SLIT2: variants seen among roughly 807,000 people sequenced by gnomAD.
SLIT2 encodes the protein slit guidance ligand 2.
SLIT2 carries 41 observed loss-of-function variants against 185.7 expected under a neutral mutation model. The observed-to-expected ratio is 0.22, with a 90% CI of 0.17 to 0.29. The LOEUF is 0.29. Ranked by LOEUF, SLIT2 falls within the 10% of genes least tolerant of loss-of-function variation. SLIT2 has a pLI of 1.00. For missense variants in SLIT2, 1,571 were observed against 1,909.0 expected (o/e 0.82, Z 3.30); for synonymous variants, 693 against 680.2 (o/e 1.02, Z -0.29).
Position 20,532,208 on chromosome 4 carries a change from G to A in SLIT2, c.1688+150G>A. On this transcript the variant is annotated intron_variant, in intron 17 of 36. Coordinates refer to ENST00000504154, the MANE Select transcript of SLIT2 (RefSeq NM_004787.4). ...GTAACATGAATTTAGGGTAATCTCT[G>A]CAAGGGACTTTTCTGTGTGTTCAGC... 4 of 571,092 alleles carry A rather than the reference G, an allele frequency of 7.0e-6. 1 individual carries two copies. The South Asian group carries it at 9.6e-5, about 14-fold the overall frequency. 35.4% of individuals were successfully genotyped at this position (571,092 alleles called of 1,614,324 possible).
chr4:20,529,126 G>A, intron 16 of SLIT2, 27 bp downstream of exon 16: 1 of 1,547,238 alleles, frequency 6.5e-7, no homozygotes, highest in South Asian at 1.2e-5. Context: ...ACAAAATTCT[G>A]GTTGGGATGG....
At chr4:20,362,467 G>GC (rs1380831346) in intron 4 of SLIT2, among the ~76,000 whole-genome samples, 8 of 152,050 alleles carry the variant, frequency 5.3e-5, no homozygotes, top group African/African-American at 1.9e-4. Context: ...GATTTTCCAA[G>GC]CAGCTTTATG....
chr4:20,268,237 A>C (rs1333187951), intron 3 of SLIT2, among the ~76,000 whole-genome samples: 1 of 151,966 alleles, frequency 6.6e-6, no homozygotes, highest in Admixed American at 6.6e-5. Context: ...TGAGCCTTAA[A>C]TTCAGTTAAG....
At chr4:20,294,363 G>T in intron 4 of SLIT2, among the ~76,000 whole-genome samples, 1 of 143,380 alleles carries the variant, frequency 7.0e-6, no homozygotes, top group Non-Finnish European at 1.5e-5. Flanking sequence ...AAAAAAAAAA[G>T]AAAGCACCCA....
intron 4 of SLIT2, among the ~76,000 whole-genome samples, chr4:20,383,837 G>A (rs1314260238): frequency 6.6e-6 from 1 of 151,972 alleles, no homozygotes; most frequent in Non-Finnish European, 1.5e-5. Flanking sequence ...AGTGTAGCTG[G>A]GATTACAGGC....
chr4:20,619,166 G>GAAA lies in SLIT2; in HGVS notation c.*168_*170dup, dbSNP rs202224128. ...AATAAAGACTTTTTTTCTGCATTTGGAAAAAAAAAAAAAGAAATGCTTGAA... is the reference window on the plus strand; with the variant it reads ...AATAAAGACTTTTTTTCTGCATTTGGAAAAAAAAAAAAAAAAGAAATGCTTGAA... On this transcript the variant is annotated 3_prime_UTR_variant, in exon 37 of 37. Transcript: ENST00000504154. 2.6e-5 allele frequency: 13 copies of GAAA among 508,818 alleles called. No individual in the cohort carries two copies. The highest frequency in any genetic ancestry group is 1.2e-4 in the East Asian group (3 of 25,328). The allele number at this position is 508,818 out of a possible 1,614,324, so 31.5% of individuals were successfully genotyped here.
At chr4:20,539,925 G>A (rs552031602) in intron 19 of SLIT2, among the ~76,000 whole-genome samples, 2 of 151,994 alleles carry the variant, frequency 1.3e-5, no homozygotes, top group African/African-American at 2.4e-5. Context: ...TCTCACATTG[G>A]AGTATTTTCA....
At chr4:20,465,964 CT>C (rs34983010) in intron 4 of SLIT2, among the ~76,000 whole-genome samples, 59,124 of 145,954 alleles carry the variant, frequency 0.41, 11,887 homozygotes, top group Middle Eastern at 0.52. Flanking sequence ...CTCTTTGAGG[CT>C]TTTTTTTTTT....
At chr4:20,264,639 C>A (rs967507927) in intron 3 of SLIT2, among the ~76,000 whole-genome samples, 2 of 151,766 alleles carry the variant, frequency 1.3e-5, no homozygotes, top group African/African-American at 4.8e-5. Context: ...TTCAGGCTGC[C>A]CTTCAAATTG....
chr4:20,265,798 A>G (rs992803002), intron 3 of SLIT2, among the ~76,000 whole-genome samples: 8 of 151,994 alleles, frequency 5.3e-5, no homozygotes, highest in African/African-American at 1.9e-4. Context: ...GAAATGGATC[A>G]AATAAATCTA....
intron 5 of SLIT2, among the ~76,000 whole-genome samples, chr4:20,472,370 C>CTATATATAGATATA (rs1447396602): frequency 4.5e-5 from 1 of 22,462 alleles, no homozygotes; most frequent in East Asian, 2.3e-3. Context: ...ATATAGATAT[C>CTATATATAGATATA]TATATCTATA....
chr4:20,616,795 C>A (rs1729689235), intron 34 of SLIT2, 115 bp from the exon 35 acceptor site: 1 of 1,186,640 alleles, frequency 8.4e-7, no homozygotes, highest in Non-Finnish European at 1.2e-6. Context: ...CCACCCTGCC[C>A]AAATATCCTG....
At chr4:20,583,853 G>A (rs1215575254) in intron 29 of SLIT2, among the ~76,000 whole-genome samples, 1 of 151,694 alleles carries the variant, frequency 6.6e-6, no homozygotes, top group African/African-American at 2.4e-5. Flanking sequence ...AAATAAAAAA[G>A]TTAGGTTCAT....
intron 4 of SLIT2, among the ~76,000 whole-genome samples, chr4:20,313,809 A>G (rs1330890925): frequency 6.6e-6 from 1 of 151,990 alleles, no homozygotes; most frequent in Non-Finnish European, 1.5e-5. Flanking sequence ...GCGGCTGCTG[A>G]TCTGAACACG....
chr4:20,486,101 T>C, intron 6 of SLIT2, 99 bp from the exon 7 acceptor site: 1 of 723,624 alleles, frequency 1.4e-6, no homozygotes, highest in South Asian at 1.6e-5. Context: ...GTAGCTGTCC[T>C]GCATAAGCAT....
In SLIT2 at chr4:20,587,029, A is replaced by G. The variant is rs528492554; in HGVS notation, c.3089-2615A>G. ...GTTCGGTGATAATAAAGAAAATCAA[A>G]TCTTTTTTTTTTTTTGACTGCTCTT... On this transcript the variant is annotated intron_variant, in intron 29 of 36. Coordinates refer to ENST00000504154, the MANE Select transcript of SLIT2 (RefSeq NM_004787.4). Among the ~76,000 whole-genome samples the G allele has an allele frequency of 8.0e-5, 12 of 150,602 alleles. No individual in the cohort carries two copies. In the East Asian group the frequency reaches 2.1e-3, roughly 27 times the overall value.
rs569608957 is a variant in SLIT2 at position 20,567,676 on chromosome 4, A to G, written c.2948+61A>G. On this transcript the variant is annotated intron_variant, in intron 28 of 36. Coordinates refer to ENST00000504154, the MANE Select transcript of SLIT2 (RefSeq NM_004787.4). ...TATTGGAGCAAAGATAACTAAGCCA[A>G]CATACATTTTCCTTTTCAAATCAAA... The G allele has an allele frequency of 5.6e-5, 72 of 1,276,520 alleles. 3 individuals carry two copies. In the South Asian group the frequency reaches 5.9e-4, roughly 10 times the overall value. 79.1% of individuals were successfully genotyped at this position (1,276,520 alleles called of 1,614,324 possible). A position where few individuals can be genotyped will look rare whatever the true frequency, so the allele number is the denominator to read the frequency against.
At chr4:20,356,730 G>A (rs1417693145) in intron 4 of SLIT2, among the ~76,000 whole-genome samples, 1 of 152,152 alleles carries the variant, frequency 6.6e-6, no homozygotes, top group African/African-American at 2.4e-5. Context: ...CTCTGCCAGT[G>A]TTAGCCATTG....
At chr4:20,587,204 A>G (rs1418274150) in intron 29 of SLIT2, among the ~76,000 whole-genome samples, 1 of 151,958 alleles carries the variant, frequency 6.6e-6, no homozygotes, top group African/African-American at 2.4e-5. Context: ...TTTTTAGTAG[A>G]GACAGGGTTT....
Sources: allele counts gnomAD v4.1 joint callset (sites outside exome capture counted in the v4.1 genomes callset), GRCh38; gene constraint gnomAD v4.1.1; transcripts MANE v1.5; gene names NCBI Gene and HGNC (gene_info 2026-07-23, HGNC 2026-07-21).